IGSF11: variants seen among roughly 807,000 people sequenced by gnomAD.
IGSF11 encodes the protein immunoglobulin superfamily member 11.
Under a neutral mutation model 41.0 loss-of-function variants are expected in IGSF11, and 22 were observed. That is an observed-to-expected ratio of 0.54 (90% CI 0.38 to 0.77). The LOEUF (loss-of-function observed/expected upper bound fraction) is 0.77, where lower values mean the gene tolerates loss of function less well. Ranked by LOEUF, IGSF11 falls within the 30% of genes least tolerant of loss-of-function variation. IGSF11 has a pLI of 0.00. For missense variants in IGSF11, 444 were observed against 530.8 expected, an observed-to-expected ratio of 0.84 and a Z score of 1.61; for synonymous variants, 219 against 201.3, an observed-to-expected ratio of 1.09 and a Z score of -0.74.
In IGSF11 at chr3:118,901,708, C is replaced by T. The variant is rs1384249712; in HGVS notation, c.*812G>A. On this transcript the variant is annotated 3_prime_UTR_variant, in exon 7 of 7. Transcript: ENST00000393775. ...TACAACCATTGAACAAGGTATTATA[C>T]AACAGTCTTTTCTTTCTTAGCCCAA... The T allele has an allele frequency of 6.7e-6, 1 of 148,470 alleles. No individual in the cohort carries two copies. The highest frequency in any genetic ancestry group is 1.5e-5 in the Non-Finnish European group (1 of 67,398). 9.2% of individuals were successfully genotyped at this position (148,470 alleles called of 1,614,324 possible).
At chr3:119,101,740 C>T (rs1329800920) in intron 1 of IGSF11, among the ~76,000 whole-genome samples, 1 of 152,154 alleles carries the variant, frequency 6.6e-6, no homozygotes, top group Admixed American at 6.5e-5. Context: ...CTCACATTTG[C>T]AAATATATCT....
intron 1 of IGSF11, among the ~76,000 whole-genome samples, chr3:118,974,534 G>A (rs949939438): frequency 6.6e-6 from 1 of 152,210 alleles, no homozygotes; most frequent in African/African-American, 2.4e-5. Context: ...TGAGAGTCGA[G>A]TGGCACTGCA....
upstream of IGSF11, among the ~76,000 whole-genome samples, chr3:119,106,660 A>T (rs2077032293): frequency 6.6e-6 from 1 of 152,180 alleles, no homozygotes; most frequent in Non-Finnish European, 1.5e-5. Flanking sequence ...ATATGTATAC[A>T]TGAGCCATGC....
At chr3:118,998,988 T>C (rs1483359697) in intron 1 of IGSF11, among the ~76,000 whole-genome samples, 4 of 152,010 alleles carry the variant, frequency 2.6e-5, no homozygotes, top group Non-Finnish European at 5.9e-5. Context: ...ATGAAAAAAT[T>C]TTTTAATAAT....
At chr3:119,112,024 G>C (rs1486443630) in intron 1 of IGSF11, among the ~76,000 whole-genome samples, 1 of 152,196 alleles carries the variant, frequency 6.6e-6, no homozygotes, top group African/African-American at 2.4e-5. Context: ...TCCCAGTTAG[G>C]CTGCTCGGGG....
chr3:119,032,299 T>A (rs569971098), intron 1 of IGSF11, among the ~76,000 whole-genome samples: 11 of 152,290 alleles, frequency 7.2e-5, no homozygotes, highest in Non-Finnish European at 1.5e-4. Flanking sequence ...ATTCTGGGGA[T>A]GAGCCATAAT....
intron 1 of IGSF11, among the ~76,000 whole-genome samples, chr3:119,099,082 G>C (rs1047221190): frequency 6.6e-6 from 1 of 151,946 alleles, no homozygotes; most frequent in African/African-American, 2.4e-5. Context: ...GAAAATTGGG[G>C]AAAAAAAGGT....
chr3:119,034,635 G>A lies in IGSF11; in HGVS notation c.-53C>T, dbSNP rs540192398. On this transcript the variant is annotated 5_prime_UTR_variant, in exon 1 of 7. Transcript: ENST00000393775. Reference sequence around the variant, plus strand: ...TCCTACCCGGCTCCCGGTCGCAACAGGAGAGGAGCGGGCGTGAGTCTCCGC... The same window carrying A: ...TCCTACCCGGCTCCCGGTCGCAACAAGAGAGGAGCGGGCGTGAGTCTCCGC... 381 of 1,522,214 alleles carry A rather than the reference G, an allele frequency of 2.5e-4. 2 individuals are homozygous for A. The African/African-American group carries it at 4.7e-3, about 19-fold the overall frequency. 94.3% of individuals were successfully genotyped at this position (1,522,214 alleles called of 1,614,324 possible). A position where few individuals can be genotyped will look rare whatever the true frequency, so the allele number is the denominator to read the frequency against.
rs528534291 is a variant in IGSF11 at position 118,971,263 on chromosome 3, T to G, written c.53-40988A>C. Among the ~76,000 whole-genome samples, 4 of 152,264 alleles carry G rather than the reference T, an allele frequency of 2.6e-5. No homozygotes were observed. The East Asian group carries it at 7.7e-4, about 29-fold the overall frequency. On this transcript the variant is annotated intron_variant, in intron 1 of 6. Transcript: ENST00000393775. ...ATTATTAGGTCAGCTTCTGTCAGAT[T>G]AGCAAACTTCAGAGAGTGACAATCT...
chr3:119,023,674 C>A (rs558588539), intron 1 of IGSF11, among the ~76,000 whole-genome samples: 55 of 152,136 alleles, frequency 3.6e-4, no homozygotes, highest in African/African-American at 1.3e-3. Context: ...TAAACATGAA[C>A]ATGAATTAGT....
At chr3:118,948,130 CAAAATGT>C (rs1283163581) in intron 1 of IGSF11, 1 of 152,124 alleles carries the variant, frequency 6.6e-6, no homozygotes, top group Non-Finnish European at 1.5e-5. Flanking sequence ...TTGCAAATGG[CAAAATGT>C]AAAATGTAAG....
At chr3:118,908,312 T>A (rs980786481) in intron 4 of IGSF11, among the ~76,000 whole-genome samples, 12 of 152,350 alleles carry the variant, frequency 7.9e-5, no homozygotes, top group African/African-American at 2.9e-4. Flanking sequence ...TAAGATAATA[T>A]TATTAAATGA....
chr3:119,001,446 T>G (rs11924178), intron 1 of IGSF11, among the ~76,000 whole-genome samples: 3,766 of 148,236 alleles, frequency 0.025, 135 homozygotes, highest in African/African-American at 0.09. Context: ...TAGTTTTTGT[T>G]TTTTTCTGGC....
intron 1 of IGSF11, among the ~76,000 whole-genome samples, chr3:118,966,035 A>T (rs1377336164): frequency 6.6e-6 from 1 of 152,066 alleles, no homozygotes; most frequent in Non-Finnish European, 1.5e-5. Flanking sequence ...AGTAAAAAGA[A>T]TTGTTGTGAA....
At position 119,033,697 on chromosome 3, in the gene IGSF11, A is replaced by G. The variant is rs144033382; in HGVS notation, c.52+834T>C. On this transcript the variant is annotated intron_variant, in intron 1 of 6. Transcript: ENST00000393775. The stretch of plus-strand genomic sequence containing the variant: ...CCGCTTTTTAAATAACATCCTTCAG[A>G]AAAAAAATCTCAGTAAATCTCAGCA... 8.0e-3 allele frequency among the ~76,000 whole-genome samples: 1,179 copies of G among 146,958 alleles called. 23 individuals carry two copies. The highest frequency in any genetic ancestry group is 0.027 in the African/African-American group (1,107 of 41,138).
intron 1 of IGSF11, among the ~76,000 whole-genome samples, chr3:119,048,256 C>A (rs1301227009): frequency 1.1e-4 from 16 of 151,182 alleles, no homozygotes; most frequent in African/African-American, 2.9e-4. Flanking sequence ...GCTAGCAAGA[C>A]AAATAAAGAA....
chr3:118,958,356 A>G (rs560077262), intron 1 of IGSF11, among the ~76,000 whole-genome samples: 9 of 152,310 alleles, frequency 5.9e-5, no homozygotes, highest in East Asian at 1.9e-4. Flanking sequence ...TCTGACCACC[A>G]TTTATGCTTT....
chr3:119,008,674 T>C (rs1173744641), intron 1 of IGSF11, among the ~76,000 whole-genome samples: 11 of 152,222 alleles, frequency 7.2e-5, no homozygotes, highest in Non-Finnish European at 4.4e-5. Flanking sequence ...CAAAGAAACA[T>C]GCCCATCACC....
intron 1 of IGSF11, among the ~76,000 whole-genome samples, chr3:119,042,661 C>T (rs116761614): frequency 0.014 from 2,096 of 152,262 alleles, 35 homozygotes; most frequent in African/African-American, 0.048. Context: ...ACAGTGCCCA[C>T]ACCTGATGGT....
Sources: allele counts gnomAD v4.1 joint callset (sites outside exome capture counted in the v4.1 genomes callset), GRCh38; gene constraint gnomAD v4.1.1; transcripts MANE v1.5; gene names NCBI Gene and HGNC (gene_info 2026-07-23, HGNC 2026-07-21).